Variants in SDK1 observed in about 807,000 individuals in gnomAD.
SDK1 encodes protein sidekick-1.
SDK1 carries 157 observed loss-of-function variants against 245.5 expected under a neutral mutation model. That is an observed-to-expected ratio of 0.64 (90% confidence interval 0.56 to 0.73). The LOEUF (loss-of-function observed/expected upper bound fraction) is 0.73. SDK1 is among the 30% of genes least tolerant of loss of function. The pLI is 0.00. For synonymous variants in SDK1, 1,647 were observed against 1,278.5 expected, an observed-to-expected ratio of 1.29 and a Z score of -6.15; for missense variants, 3,583 against 3,002.3, an observed-to-expected ratio of 1.19 and a Z score of -4.52.
At chr7:3,735,861 T>G (rs888120010) in intron 4 of SDK1, among the ~76,000 whole-genome samples, 2 of 152,214 alleles carry the variant, frequency 1.3e-5, no homozygotes, top group Non-Finnish European at 2.9e-5. Flanking sequence ...ATTTATTTTC[T>G]AAATAATGGC....
At chr7:3,683,725 G>T (rs1784184097) in intron 4 of SDK1, among the ~76,000 whole-genome samples, 1 of 152,204 alleles carries the variant, frequency 6.6e-6, no homozygotes, top group South Asian at 2.1e-4. Context: ...AGGTGCTGGT[G>T]GTTCTCTGAG....
intron 4 of SDK1, among the ~76,000 whole-genome samples, chr7:3,666,078 C>G (rs767809694): frequency 2.0e-5 from 3 of 152,210 alleles, no homozygotes; most frequent in Non-Finnish European, 4.4e-5. Context: ...CTCAGCTGAT[C>G]TCCAAGTATC....
intron 1 of SDK1, among the ~76,000 whole-genome samples, chr7:3,451,392 G>T (rs1019839217): frequency 6.6e-6 from 1 of 152,042 alleles, no homozygotes; most frequent in Admixed American, 6.6e-5. Flanking sequence ...GAATAGCTGC[G>T]TTTTTGTTTG....
At chr7:4,204,224 G>C (rs1784062772) in intron 35 of SDK1, among the ~76,000 whole-genome samples, 1 of 152,236 alleles carries the variant, frequency 6.6e-6, no homozygotes, top group Non-Finnish European at 1.5e-5. Context: ...ACATGCAAAA[G>C]ACATTAACTT....
intron 4 of SDK1, among the ~76,000 whole-genome samples, chr7:3,728,517 C>T (rs765570398): frequency 6.6e-6 from 1 of 152,186 alleles, no homozygotes; most frequent in Non-Finnish European, 1.5e-5. Context: ...AAAACTCTTC[C>T]CAGCATTTCT....
intron 1 of SDK1, among the ~76,000 whole-genome samples, chr7:3,604,068 G>A (rs1781336948): frequency 6.6e-6 from 1 of 152,180 alleles, no homozygotes; most frequent in African/African-American, 2.4e-5. Context: ...TTGATGTGCT[G>A]CTGGATTTCG....
chr7:3,374,446 G>C (rs1475877079), intron 1 of SDK1, among the ~76,000 whole-genome samples: 2 of 152,076 alleles, frequency 1.3e-5, no homozygotes, highest in Non-Finnish European at 2.9e-5. Context: ...TTGCCTTACT[G>C]TAGTGTCATA....
intron 38 of SDK1, among the ~76,000 whole-genome samples, chr7:4,215,949 C>G (rs755806126): frequency 2.6e-5 from 4 of 152,174 alleles, no homozygotes; most frequent in African/African-American, 4.8e-5. Context: ...TCCTGCCCAG[C>G]CTCACACAGG....
intron 2 of SDK1, among the ~76,000 whole-genome samples, chr7:3,627,349 C>T (rs1025821295): frequency 2.6e-5 from 4 of 152,160 alleles, no homozygotes; most frequent in African/African-American, 7.2e-5. Flanking sequence ...ATACCTCCTT[C>T]AATAAGTACA....
chr7:3,695,554 T>C (rs542270714), intron 4 of SDK1, among the ~76,000 whole-genome samples: 1 of 152,320 alleles, frequency 6.6e-6, no homozygotes, highest in South Asian at 2.1e-4. Flanking sequence ...CTTCGTTAAA[T>C]GTCCTTTTAA....
intron 33 of SDK1, 123 bp downstream of exon 33, chr7:4,174,480 C>A: frequency 8.8e-7 from 1 of 1,134,802 alleles, no homozygotes; most frequent in Non-Finnish European, 1.3e-6. Flanking sequence ...GCAGCCCTGC[C>A]CTCAGGAACA....
At position 3,821,564 on chromosome 7, in the gene SDK1, C is replaced by A; in HGVS notation, c.828C>A (p.Phe276Leu). The change falls in exon 5 of 45, where the codon TTC (phenylalanine) becomes TTA (leucine). Residue 276 changes from phenylalanine (F) to leucine (L), a missense_variant. Phe to Leu is a conservative substitution (Grantham distance 22, BLOSUM62 0). Coordinates refer to ENST00000404826, the MANE Select transcript of SDK1 (RefSeq NM_152744.4). Reference protein sequence around the residue: ...EKNGENKTSPFIHLSIARDVG... With the variant: ...EKNGENKTSPLIHLSIARDVG... ...ATGGAGAAAACAAGACAAGCCCATT[C>A]ATTCATTTGAGCATAGCAAGTGAGT... 6.2e-7 allele frequency: 1 copy of A among 1,613,806 alleles called. No homozygotes were observed.
chr7:3,354,123 C>T (rs1204923908), intron 1 of SDK1, among the ~76,000 whole-genome samples: 1 of 151,810 alleles, frequency 6.6e-6, no homozygotes, highest in African/African-American at 2.4e-5. Context: ...CTCAGCCTCC[C>T]AAGTAGCTGG....
intron 17 of SDK1, among the ~76,000 whole-genome samples, chr7:4,037,946 C>T (rs1788337175): frequency 6.6e-6 from 1 of 152,196 alleles, no homozygotes; most frequent in African/African-American, 2.4e-5. Flanking sequence ...TAAGCTTTGA[C>T]CATTTCATCC....
intron 5 of SDK1, among the ~76,000 whole-genome samples, chr7:3,923,511 C>G (rs1276391716): frequency 1.3e-5 from 2 of 152,166 alleles, no homozygotes; most frequent in Non-Finnish European, 2.9e-5. Context: ...TCAATGGAGC[C>G]CGGGACTGGC....
chr7:3,603,163 G>A (rs1166609326), intron 1 of SDK1, among the ~76,000 whole-genome samples: 23 of 139,874 alleles, frequency 1.6e-4, no homozygotes, highest in Admixed American at 5.2e-4. Flanking sequence ...TTGGCGATGC[G>A]GGCTCTTTTT....
At chr7:3,782,666 A>C (rs766311557) in intron 4 of SDK1, among the ~76,000 whole-genome samples, 12 of 152,252 alleles carry the variant, frequency 7.9e-5, no homozygotes, top group Non-Finnish European at 1.6e-4. Flanking sequence ...TGGTATATTC[A>C]AAGTGCTGAA....
chr7:3,416,484 G>A (rs919213545), intron 1 of SDK1, among the ~76,000 whole-genome samples: 10 of 149,824 alleles, frequency 6.7e-5, no homozygotes, highest in African/African-American at 2.2e-4. Flanking sequence ...TTTTTTTGCG[G>A]GGGAAACAAG....
chr7:4,049,379 G>T lies in SDK1; in HGVS notation c.2634G>T (p.Thr878=). ...CCGCGCCCCCGCAGAACGTGCAGAC[G>T]GAAGCCGTGAACTCCACCACCATTC... is the stretch of plus-strand genomic sequence containing the variant. ...VPTAPPQNVQ[T]EAVNSTTIQF... is the part of the protein sequence containing the mutation. Residue 878 remains threonine (T), a synonymous_variant, in exon 18 of 45, where the codon ACG becomes ACT. Transcript: ENST00000404826. The T allele has an allele frequency of 6.2e-7, 1 of 1,614,092 alleles. No individual in the cohort carries two copies. Among genetic ancestry groups the T allele is most frequent in the Non-Finnish European group, 8.5e-7 (1 of 1,180,014 alleles).
Sources: allele counts gnomAD v4.1 joint callset (sites outside exome capture counted in the v4.1 genomes callset), GRCh38; gene constraint gnomAD v4.1.1; transcripts MANE v1.5; gene names NCBI Gene and HGNC (gene_info 2026-07-23, HGNC 2026-07-21).